CLDN16: variants seen among roughly 807,000 people sequenced by gnomAD.
CLDN16 encodes claudin 16.
A neutral mutation model predicts 24.6 loss-of-function variants in CLDN16; 13 were observed. The ratio of observed to expected loss-of-function variants is 0.53; its 90% CI spans 0.34 to 0.84. The LOEUF (loss-of-function observed/expected upper bound fraction) is 0.84, where lower values mean the gene tolerates loss of function less well. CLDN16 is among the 40% of genes least tolerant of loss of function. The probability of loss-of-function intolerance (pLI) is 0.01; values close to 1 mark genes in which losing one functional copy is unlikely to be tolerated. For missense variants in CLDN16, 298 were observed against 292.7 expected (o/e 1.02, Z -0.13); for synonymous variants, 116 against 106.7 (o/e 1.09, Z -0.54).
intron 2 of CLDN16, 128 bp from the exon 3 acceptor site, chr3:190,404,634 C>A: frequency 1.1e-6 from 1 of 870,302 alleles, no homozygotes; most frequent in Non-Finnish European, 1.9e-6. Context: ...CAAGTTCATA[C>A]AAAGTCTGAC....
At chr3:190,361,668 A>G (rs1717889798) in intron 1 of CLDN16, among the ~76,000 whole-genome samples, 2 of 151,970 alleles carry the variant, frequency 1.3e-5, no homozygotes, top group Admixed American at 1.3e-4. Flanking sequence ...AGTGAGGGCA[A>G]AAGAGTCCTT....
chr3:190,315,150 T>G, the CLDN16 span, among the ~76,000 whole-genome samples: 1 of 152,210 alleles, frequency 6.6e-6, no homozygotes, highest in Non-Finnish European at 1.5e-5. Context: ...ATAACACAGA[T>G]TTCAGATGTG....
At chr3:190,400,074 G>A (rs1001933401) in intron 1 of CLDN16, among the ~76,000 whole-genome samples, 1 of 152,024 alleles carries the variant, frequency 6.6e-6, no homozygotes, top group Non-Finnish European at 1.5e-5. Context: ...GCACGAAACC[G>A]GTCCCTGGTG....
upstream of CLDN16, chr3:190,388,119 A>G (rs2108657992): frequency 6.2e-7 from 1 of 1,613,822 alleles, no homozygotes; most frequent in East Asian, 2.2e-5. Flanking sequence ...TGCTTCGGAT[A>G]ATGACCTCCA....
At chr3:190,312,072 A>G in the CLDN16 span, among the ~76,000 whole-genome samples, 1 of 151,540 alleles carries the variant, frequency 6.6e-6, no homozygotes, top group Non-Finnish European at 1.5e-5. Flanking sequence ...ATGGGATTAC[A>G]GGCGTGCACC....
At chr3:190,340,352 G>C (rs183949737) in intron 1 of CLDN16, among the ~76,000 whole-genome samples, 65 of 152,308 alleles carry the variant, frequency 4.3e-4, no homozygotes, top group Non-Finnish European at 4.7e-4. Flanking sequence ...TAGACTTACA[G>C]TTCCATGCAG....
intron 1 of CLDN16, among the ~76,000 whole-genome samples, chr3:190,364,709 C>G (rs1717980625): frequency 6.6e-6 from 1 of 151,858 alleles, no homozygotes; most frequent in South Asian, 2.1e-4. Flanking sequence ...TTTCGAAGAG[C>G]CCTTTATCGT....
intron 1 of CLDN16, among the ~76,000 whole-genome samples, chr3:190,363,241 A>G (rs1717938969): frequency 6.6e-6 from 1 of 151,318 alleles, no homozygotes; most frequent in African/African-American, 2.4e-5. Flanking sequence ...CATTCAATGA[A>G]TTTTCTAATT....
At chr3:190,347,195 C>T (rs923208464) in intron 1 of CLDN16, among the ~76,000 whole-genome samples, 9 of 152,042 alleles carry the variant, frequency 5.9e-5, no homozygotes, top group Admixed American at 5.9e-4. Context: ...ATGATGGTGG[C>T]AATGGGGATG....
intron 1 of CLDN16, among the ~76,000 whole-genome samples, chr3:190,359,967 A>T (rs1158551085): frequency 6.6e-6 from 1 of 151,984 alleles, no homozygotes; most frequent in Non-Finnish European, 1.5e-5. Context: ...CTTGGCCAAG[A>T]TGACACTCTG....
At chr3:190,404,144 A>G (rs1338549496) in intron 2 of CLDN16, among the ~76,000 whole-genome samples, 1 of 152,168 alleles carries the variant, frequency 6.6e-6, no homozygotes, top group Non-Finnish European at 1.5e-5. Context: ...TTGGCCAAGA[A>G]GAGTCATGAT....
the CLDN16 span, among the ~76,000 whole-genome samples, chr3:190,293,309 C>T: frequency 2.3e-3 from 350 of 152,300 alleles, 2 homozygotes; most frequent in African/African-American, 7.5e-3. Flanking sequence ...TCTCCCACCA[C>T]GTCCCTCCCT....
At chr3:190,392,553 T>G (rs953952922) in intron 1 of CLDN16, among the ~76,000 whole-genome samples, 2 of 152,156 alleles carry the variant, frequency 1.3e-5, no homozygotes, top group African/African-American at 2.4e-5. Flanking sequence ...CCGACAGTTA[T>G]AGCACCATGT....
At chr3:190,291,854 G>C in the CLDN16 span, among the ~76,000 whole-genome samples, 1 of 152,092 alleles carries the variant, frequency 6.6e-6, no homozygotes, top group Non-Finnish European at 1.5e-5. Context: ...AATCCAATAG[G>C]GCAGTTATTA....
intron 1 of CLDN16, among the ~76,000 whole-genome samples, chr3:190,332,807 C>A (rs546963818): frequency 1.3e-5 from 2 of 149,998 alleles, no homozygotes; most frequent in South Asian, 2.1e-4. Context: ...CATACTATGG[C>A]TTAAGAGACT....
Position 190,402,360 on chromosome 3 carries a change from C to G in CLDN16, c.138C>G (p.Leu46=), listed in dbSNP as rs1718984264. The G allele has an allele frequency of 1.2e-6, 2 of 1,613,896 alleles. No homozygotes were observed. The highest frequency in any genetic ancestry group is 2.2e-5 in the East Asian group (1 of 44,842). The change falls in exon 2 of 5, where the codon CTC becomes CTG. Residue 46 remains leucine, a synonymous_variant. Coordinates refer to ENST00000264734, the MANE Select transcript of CLDN16 (RefSeq NM_006580.4). Reference sequence around the variant, plus strand: ...AGGTGAGCACAAAATGCCGAGGCCTCTGGTGGGAATGCGTCACAAATGCTT... The same window carrying G: ...AGGTGAGCACAAAATGCCGAGGCCTGTGGTGGGAATGCGTCACAAATGCTT... ...SLEVSTKCRG[L]WWECVTNAFD...
rs1422062684 is a variant in CLDN16, at chr3:190,363,596, ATT to A, written n.122-7294_122-7293del. Among the ~76,000 whole-genome samples the A allele has an allele frequency of 2.0e-3, 264 of 131,176 alleles. 2 individuals carry two copies. Among genetic ancestry groups the A allele is most frequent in the African/African-American group, 7.3e-3 (258 of 35,374 alleles). The allele number at this position is 131,176 out of a possible 152,430, so 86.1% of individuals were successfully genotyped here. Reference sequence around the variant, plus strand: ...TATATATATATATATATATATATATATTTTCTTTCTCCTGTCTGGCAATTAGG... The same window carrying A: ...TATATATATATATATATATATATATATTCTTTCTCCTGTCTGGCAATTAGG... On this transcript the variant is annotated intron_variant and non_coding_transcript_variant, in intron 1 of 4. Transcript: ENST00000468220.
chr3:190,362,028 C>CAGTCTAACCTGGTCTAACCTGGTCTAACT (rs1717899515), intron 1 of CLDN16, among the ~76,000 whole-genome samples: 2 of 151,090 alleles, frequency 1.3e-5, no homozygotes, highest in Non-Finnish European at 3.0e-5. Context: ...CTGGTCTAAC[C>CAGTCTAACCTGGTCTAACCTGGTCTAACT]TGGTCTAACC....
chr3:190,379,397 A>G (rs1002327556), intron 3 of CLDN16, among the ~76,000 whole-genome samples: 3 of 152,130 alleles, frequency 2.0e-5, no homozygotes, highest in African/African-American at 7.2e-5. Context: ...GAGCCTAAAT[A>G]CTATTGGATA....
Sources: gnomAD v4.1 joint callset for allele counts (sites outside exome capture counted in the v4.1 genomes callset) on GRCh38, gnomAD v4.1.1 for gene constraint, MANE v1.5 for transcripts, NCBI Gene and HGNC (gene_info 2026-07-23, HGNC 2026-07-21) for gene names.